Variants in SCAF1 observed in about 807,000 individuals in gnomAD.
SCAF1 encodes the protein splicing factor, arginine/serine-rich 19.
In SCAF1, 28 loss-of-function variants were observed where a neutral mutation model predicts 91.2. The ratio of observed to expected loss-of-function variants is 0.31; its 90% CI spans 0.23 to 0.42. The LOEUF (loss-of-function observed/expected upper bound fraction) is 0.42. SCAF1 is among the 10% of genes least tolerant of loss of function. SCAF1 has a pLI of 1.00. For synonymous variants in SCAF1, 1,036 were observed against 833.7 expected (o/e 1.24, Z -4.18); for missense variants, 1,893 against 1,872.1 (o/e 1.01, Z -0.21).
intron 6 of SCAF1, among the ~76,000 whole-genome samples, chr19:49,649,094 G>A (rs962699346): frequency 6.6e-6 from 1 of 152,146 alleles, no homozygotes; most frequent in African/African-American, 2.4e-5. Flanking sequence ...TGGGCCTTAA[G>A]AGTGATAAGG....
intron 9 of SCAF1, among the ~76,000 whole-genome samples, chr19:49,655,952 T>C (rs1312802976): frequency 1.3e-5 from 2 of 152,266 alleles, no homozygotes; most frequent in African/African-American, 2.4e-5. Context: ...ATTATAGGCA[T>C]GAGCCACTGC....
At chr19:49,656,973 A>G (rs1232665736) in intron 9 of SCAF1, among the ~76,000 whole-genome samples, 1 of 152,130 alleles carries the variant, frequency 6.6e-6, no homozygotes, top group East Asian at 1.9e-4. Flanking sequence ...TGGGCAACAT[A>G]GTGAGACCTA....
Position 49,655,967 on chromosome 19 carries a change from A to G in SCAF1, c.3618+1097A>G, listed in dbSNP as rs1342294778. On this transcript the variant is annotated intron_variant, in intron 9 of 10. Transcript: ENST00000360565. Reference sequence around the variant, plus strand: ...ATTATAGGCATGAGCCACTGCACCCAGCCTAGATGTGTTTTCTTACAGTCT... The same window carrying G: ...ATTATAGGCATGAGCCACTGCACCCGGCCTAGATGTGTTTTCTTACAGTCT... 3.3e-5 allele frequency among the ~76,000 whole-genome samples: 5 copies of G among 152,244 alleles called. No individual in the cohort carries two copies. The East Asian group carries it at 7.7e-4, about 23-fold the overall frequency.
Position 49,652,729 on chromosome 19 carries a change from GGACAGGGACAGA to G in SCAF1, c.2343_2354del (p.Asp787_Arg790del). Reference sequence around the variant, plus strand: ...CGCTGGACGGGGGTGACCGGGATCGGGACAGGGACAGAGATAGGGACAGGGACAGGTCATCCA... The same window carrying G: ...CGCTGGACGGGGGTGACCGGGATCGGGATAGGGACAGGGACAGGTCATCCA... On this transcript the variant is annotated inframe_deletion, in exon 7 of 11. Transcript: ENST00000360565. The G allele has an allele frequency of 1.9e-6, 3 of 1,601,630 alleles. No homozygotes were observed. Among genetic ancestry groups the G allele is most frequent in the South Asian group, 1.1e-5 (1 of 89,578 alleles).
Position 49,653,041 on chromosome 19 carries a change from C to A in SCAF1, c.2652C>A (p.Pro884=), listed in dbSNP as rs747809301. The A allele has an allele frequency of 1.9e-5, 30 of 1,613,990 alleles. 1 individual carries two copies. In the South Asian group the frequency reaches 3.3e-4, roughly 18 times the overall value. Residue 884 remains proline (P), a synonymous_variant, in exon 7 of 11, where the codon CCC becomes CCA. Coordinates refer to ENST00000360565, the MANE Select transcript of SCAF1 (RefSeq NM_021228.3). ...TCCTCAAACCTGACGAGCGGGCCCC[C>A]ACTGAGATGGCCAAAGCAGCTCCGG... ...SPFLKPDERA[P]TEMAKAAPGS...
rs1474950103 is a variant in SCAF1, at chr19:49,646,068, A to C, written c.167-40A>C. ...CTCTACCCCGCAAGTCTCTGCAGCA[A>C]GTCCCCTGTGTCCAATCCCCCATGC... On this transcript the variant is annotated intron_variant, in intron 3 of 10. Transcript: ENST00000360565. This position sits in a 1 kb window ranked among gnomAD's most constrained non-coding sequence, Gnocchi z 5.6. The C allele has an allele frequency of 6.4e-7, 1 of 1,566,968 alleles. No homozygotes were observed. The highest frequency in any genetic ancestry group is 8.8e-7 in the Non-Finnish European group (1 of 1,140,206).
Position 49,651,789 on chromosome 19 carries a change from C to G in SCAF1, c.1400C>G (p.Ala467Gly). The G allele has an allele frequency of 7.8e-7, 1 of 1,282,870 alleles. No homozygotes were observed. Among genetic ancestry groups the G allele is most frequent in the Non-Finnish European group, 9.8e-7 (1 of 1,016,830 alleles). 79.5% of individuals were successfully genotyped at this position (1,282,870 alleles called of 1,614,324 possible). A position where few individuals can be genotyped will look rare whatever the true frequency, so the allele number is the denominator to read the frequency against. ...CTGCAGGTGGACCTAGGGGAGCCGG[C>G]TCCCGCGCCGCCCGCCGCCGACTCG... is the stretch of plus-strand genomic sequence containing the variant. ...GALQVDLGEP[A>G]PAPPAADSRW... The change falls in exon 7 of 11, where the codon GCT (alanine) becomes GGT (glycine). Residue 467 changes from alanine (A) to glycine (G), a missense_variant. Transcript: ENST00000360565.
intron 7 of SCAF1, 35 bp from the exon 8 acceptor site, chr19:49,654,314 C>T (rs2081124322): frequency 6.3e-7 from 1 of 1,588,230 alleles, no homozygotes; most frequent in Non-Finnish European, 8.6e-7. Flanking sequence ...GTCACCTCTC[C>T]CATCTTCATG....
At position 49,652,470 on chromosome 19, in the gene SCAF1, C is replaced by G; in HGVS notation, c.2081C>G (p.Thr694Arg). The stretch of plus-strand genomic sequence containing the variant: ...GTGCCACCCTCCATCCAGGACCTCA[C>G]GGACCACGACCTCTTCGCCATCAAG... ...GAVPPSIQDL[T>R]DHDLFAIKRT... is the part of the protein sequence containing the mutation. Residue 694 changes from threonine (T) to arginine (R), a missense_variant, in exon 7 of 11, where the codon ACG (threonine) becomes AGG (arginine). Around this residue, in one of 5 missense-constraint regions of SCAF1, gnomAD observed 1,436 missense variants for 1,306.8 expected, o/e 1.10. Transcript: ENST00000360565. 6.3e-7 allele frequency: 1 copy of G among 1,598,534 alleles called. No homozygotes were observed. Among genetic ancestry groups the G allele is most frequent in the Non-Finnish European group, 8.5e-7 (1 of 1,175,582 alleles).
rs1391798338 is a variant in SCAF1 at position 49,651,529 on chromosome 19, G to A, written c.1140G>A (p.Pro380=). The A allele has an allele frequency of 2.6e-6, 4 of 1,565,508 alleles. No individual in the cohort carries two copies. The highest frequency in any genetic ancestry group is 3.5e-6 in the Non-Finnish European group (4 of 1,157,442). The change falls in exon 7 of 11, where the codon CCG becomes CCA. Residue 380 remains proline (P), a synonymous_variant. Coordinates refer to ENST00000360565, the MANE Select transcript of SCAF1 (RefSeq NM_021228.3). The part of the protein sequence containing the change: ...EVVTAGGAAL[P]PPLLPPGDSE... ...TGACCGCTGGTGGAGCCGCCCTCCCGCCGCCCCTGCTGCCGCCCGGCGACT... is the reference window on the plus strand; with the variant it reads ...TGACCGCTGGTGGAGCCGCCCTCCCACCGCCCCTGCTGCCGCCCGGCGACT...
At position 49,652,382 on chromosome 19, in the gene SCAF1, C is replaced by G; in HGVS notation, c.1993C>G (p.Pro665Ala). 1 of 1,551,236 alleles carries G rather than the reference C, an allele frequency of 6.4e-7. No homozygotes were observed. The highest frequency in any genetic ancestry group is 8.7e-7 in the Non-Finnish European group (1 of 1,152,282). ...GGATGGCAGCGAGAAGGCCCCGGCG[C>G]CCGCCCCGCCGCCCTCTGGCTCCAC... ...SGDGSEKAPA[P>A]APPPSGSTSC... Residue 665 changes from proline to alanine, a missense_variant, in exon 7 of 11, where the codon CCC (proline) becomes GCC (alanine). Pro to Ala is a conservative substitution (Grantham distance 27, BLOSUM62 -1). This residue lies in a region of SCAF1 where 1,436 missense variants were observed against 1,306.8 expected (regional missense o/e 1.10). Coordinates refer to ENST00000360565, the MANE Select transcript of SCAF1 (RefSeq NM_021228.3).
Position 49,645,306 on chromosome 19 carries a change from A to C in SCAF1, c.109-48A>C, listed in dbSNP as rs770292021. On this transcript the variant is annotated intron_variant, in intron 2 of 10. Coordinates refer to ENST00000360565, the MANE Select transcript of SCAF1 (RefSeq NM_021228.3). The surrounding 1 kb of genome is among the most constrained non-coding windows in gnomAD (Gnocchi z 4.6). ...GTCTCCCAAGGGGCAGAGGTTGCAA[A>C]GCATCTGCCTGGGTCCTCTGACGCT... is the stretch of plus-strand genomic sequence containing the variant. The C allele has an allele frequency of 1.2e-6, 2 of 1,606,762 alleles. No individual in the cohort carries two copies. Among genetic ancestry groups the C allele is most frequent in the Non-Finnish European group, 1.7e-6 (2 of 1,173,800 alleles).
Position 49,657,869 on chromosome 19 carries a change from C to G in SCAF1, c.3727C>G (p.Leu1243Val). The change falls in exon 10 of 11, where the codon CTG (leucine) becomes GTG (valine). Residue 1243 changes from leucine to valine, a missense_variant. Physicochemically the swap from Leu to Val is conservative, Grantham distance 32. Coordinates refer to ENST00000360565, the MANE Select transcript of SCAF1 (RefSeq NM_021228.3). ...DITKEEYKDI[L>V]RKAVHKICHS... The stretch of plus-strand genomic sequence containing the variant: ...CACCAAGGAGGAGTACAAGGACATC[C>G]TGAGGAAGGCCGTCCACAAGGTGGG... 1 of 1,611,546 alleles carries G rather than the reference C, an allele frequency of 6.2e-7. No individual in the cohort carries two copies. The highest frequency in any genetic ancestry group is 8.5e-7 in the Non-Finnish European group (1 of 1,178,812).
chr19:49,654,405 C>G lies in SCAF1; in HGVS notation c.3373C>G (p.Gln1125Glu). The change falls in exon 8 of 11, where the codon CAG becomes GAG. Residue 1125 changes from glutamine to glutamate, a missense_variant. Transcript: ENST00000360565. The stretch of plus-strand genomic sequence containing the variant: ...CAACCTGGCGAGCCGAGCGAAGGCC[C>G]AGGAGCTGATCCAGGCCACCAACCA... ...EANLASRAKA[Q>E]ELIQATNQIL... 6.2e-7 allele frequency: 1 copy of G among 1,613,564 alleles called. No homozygotes were observed. Among genetic ancestry groups the G allele is most frequent in the Non-Finnish European group, 8.5e-7 (1 of 1,179,974 alleles).
chr19:49,646,117 G>A lies in SCAF1; in HGVS notation c.176G>A (p.Arg59Gln), dbSNP rs146838422. 347 of 1,611,962 alleles carry A rather than the reference G, an allele frequency of 2.2e-4. No homozygotes were observed. Among genetic ancestry groups the A allele is most frequent in the Non-Finnish European group, 2.7e-4 (318 of 1,179,958 alleles). ...GDLPNDKDGS[R>Q]CHGLRWRRCR... is the part of the protein sequence containing the mutation. ...GCAAATCTCTCACCAGATGGCTCTC[G>A]GTGTCATGGCCTTCGATGGCGGCGC... is the stretch of plus-strand genomic sequence containing the variant. Residue 59 changes from arginine to glutamine, a missense_variant, in exon 4 of 11, where the codon CGG becomes CAG. Coordinates refer to ENST00000360565, the MANE Select transcript of SCAF1 (RefSeq NM_021228.3). This position sits in a 1 kb window ranked among gnomAD's most constrained non-coding sequence, Gnocchi z 5.6.
At position 49,648,422 on chromosome 19, in the gene SCAF1, AT is replaced by A. The variant is rs936991831; in HGVS notation, c.478+1599del. On this transcript the variant is annotated intron_variant, in intron 6 of 10. Transcript: ENST00000360565. The stretch of plus-strand genomic sequence containing the variant: ...CCACCACGCCCAGCCTTTATTTTTT[AT>A]TTTTTTAAAATTTTTAATAGAGATG... 2.0e-5 allele frequency among the ~76,000 whole-genome samples: 3 copies of A among 151,464 alleles called. 1 individual carries two copies. In the South Asian group the frequency reaches 6.3e-4, roughly 32 times the overall value.
At position 49,651,711 on chromosome 19, in the gene SCAF1, C is replaced by T; in HGVS notation, c.1322C>T (p.Pro441Leu). The T allele has an allele frequency of 7.2e-7, 1 of 1,382,110 alleles. No individual in the cohort carries two copies. 85.6% of individuals were successfully genotyped at this position (1,382,110 alleles called of 1,614,324 possible). Residue 441 changes from proline (P) to leucine (L), a missense_variant, in exon 7 of 11, where the codon CCC becomes CTC. By Grantham distance (98) the Pro-to-Leu change is moderately conservative (BLOSUM62 -3). Transcript: ENST00000360565. ...CCTCAGCCTCCCGCTCCGCGGGCCC[C>T]CGAGGGGGACGACTTCTTGTCCCTG... ...PLPQPPAPRA[P>L]EGDDFLSLHA...
rs1315515868 is a variant in SCAF1 at position 49,654,362 on chromosome 19, C to T, written c.3330C>T (p.Leu1110=). The T allele has an allele frequency of 4.3e-6, 7 of 1,613,416 alleles. No individual in the cohort carries two copies. The highest frequency in any genetic ancestry group is 3.3e-5 in the Admixed American group (2 of 59,996). The change falls in exon 8 of 11, where the codon CTC becomes CTT. Residue 1110 remains leucine (L), a synonymous_variant. Transcript: ENST00000360565. ...TSGVLALTAL[L]FKMEEANLAS... ...TGCCTCCTGCAGTGACTGCACTTCT[C>T]TTCAAGATGGAAGAAGCCAACCTGG...
Position 49,646,654 on chromosome 19 carries a change from G to A in SCAF1, c.362+28G>A. The A allele has an allele frequency of 6.2e-7, 1 of 1,613,370 alleles. No homozygotes were observed. The highest frequency in any genetic ancestry group is 8.5e-7 in the Non-Finnish European group (1 of 1,179,354). On this transcript the variant is annotated intron_variant, in intron 5 of 10. Coordinates refer to ENST00000360565, the MANE Select transcript of SCAF1 (RefSeq NM_021228.3). This position sits in a 1 kb window ranked among gnomAD's most constrained non-coding sequence, Gnocchi z 5.6. ...GAGTAGCTGGGCAGCTGGAGTGGGA[G>A]AGGCCTCAGCGTGAGAGCCAGAAGC...
Sources: gnomAD v4.1 joint callset for allele counts (sites outside exome capture counted in the v4.1 genomes callset) on GRCh38, gnomAD v4.1.1 for gene constraint, gnomAD v4.1.1 regional missense constraint, Gnocchi (gnomAD v3.1) non-coding constraint, MANE v1.5 for transcripts, NCBI Gene and HGNC (gene_info 2026-07-23, HGNC 2026-07-21) for gene names.